The following IQCM variants were observed in gnomAD, a reference collection of about 807,000 sequenced individuals.
IQCM encodes IQ motif containing M.
A neutral mutation model predicts 57.6 loss-of-function variants in IQCM; 45 were observed. The ratio of observed to expected loss-of-function variants is 0.78; its 90% CI spans 0.62 to 1.00. IQCM has a LOEUF of 1.00. Ranked by LOEUF, IQCM falls within the 50% of genes least tolerant of loss-of-function variation. IQCM has a pLI of 0.00. For missense variants in IQCM, 468 were observed against 511.6 expected (o/e 0.91, Z 0.82); for synonymous variants, 148 against 158.9 (o/e 0.93, Z 0.51).
chr4:149,557,525 G>T (rs1475945395), intron 10 of IQCM, among the ~76,000 whole-genome samples: 8 of 152,126 alleles, frequency 5.3e-5, no homozygotes, highest in Non-Finnish European at 8.8e-5. Flanking sequence ...GCTTTTTAAG[G>T]CATCTCTCTG....
intron 8 of IQCM, among the ~76,000 whole-genome samples, chr4:149,591,806 T>C (rs1244160387): frequency 3.3e-5 from 5 of 152,192 alleles, no homozygotes; most frequent in African/African-American, 1.2e-4. Flanking sequence ...GTCTGCATAG[T>C]ATTCCATGGT....
intron 12 of IQCM, among the ~76,000 whole-genome samples, chr4:149,441,834 G>A (rs567397549): frequency 6.6e-6 from 1 of 152,256 alleles, no homozygotes; most frequent in South Asian, 2.1e-4. Flanking sequence ...CATTGTGGCA[G>A]TATTGACAGG....
At chr4:149,703,425 A>AT (rs1323627054) in intron 5 of IQCM, among the ~76,000 whole-genome samples, 2 of 151,956 alleles carry the variant, frequency 1.3e-5, no homozygotes, top group African/African-American at 4.8e-5. Context: ...GGAAGAATGG[A>AT]TAAAAAATAC....
intron 2 of IQCM, among the ~76,000 whole-genome samples, chr4:149,771,719 C>T (rs1414172527): frequency 6.6e-6 from 1 of 152,102 alleles, no homozygotes; most frequent in South Asian, 2.1e-4. Context: ...TTCTAACACT[C>T]CATGTGTCTT....
chr4:149,431,085 A>G (rs1734817149), intron 13 of IQCM, among the ~76,000 whole-genome samples: 2 of 151,826 alleles, frequency 1.3e-5, no homozygotes, highest in Admixed American at 6.6e-5. Flanking sequence ...GGCACCTGTA[A>G]TCCCAGCTTC....
intron 13 of IQCM, among the ~76,000 whole-genome samples, chr4:149,368,219 T>A (rs114789765): frequency 0.031 from 4,722 of 152,124 alleles, 99 homozygotes; most frequent in Middle Eastern, 0.065. Context: ...GAGTTTTTAT[T>A]AATTAAATAA....
At position 149,657,340 on chromosome 4, in the gene IQCM, C is replaced by T. The variant is rs12172973; in HGVS notation, c.565+24778G>A. On this transcript the variant is annotated intron_variant, in intron 7 of 13. Coordinates refer to ENST00000636793, the MANE Select transcript of IQCM (RefSeq NM_001363507.2). ...GTTTCATTCATATTGTCACAAATGACGGGATTCATTCTTTTTATAGCTGAA... is the reference window on the plus strand; with the variant it reads ...GTTTCATTCATATTGTCACAAATGATGGGATTCATTCTTTTTATAGCTGAA... Among the ~76,000 whole-genome samples the T allele has an allele frequency of 7.4e-4, 112 of 152,200 alleles. 1 individual carries two copies. The East Asian group carries it at 0.018, about 25-fold the overall frequency.
At chr4:149,431,400 C>T (rs1028068517) in intron 13 of IQCM, among the ~76,000 whole-genome samples, 11 of 151,868 alleles carry the variant, frequency 7.2e-5, no homozygotes, top group Non-Finnish European at 1.3e-4. Flanking sequence ...GTTTAATTCA[C>T]GTTTCCCTAT....
intron 13 of IQCM, among the ~76,000 whole-genome samples, chr4:149,414,887 G>A (rs1422182259): frequency 6.6e-6 from 1 of 151,810 alleles, no homozygotes; most frequent in Non-Finnish European, 1.5e-5. Flanking sequence ...AAAATATCAG[G>A]TATATTGAAG....
In IQCM at chr4:149,506,890, T is replaced by C. The variant is rs78080555; in HGVS notation, c.1228+41565A>G. ...GAAAGGTAAGAACAAGATAGAGCAA[T>C]AGTGAAAGAATAAATGATACTGCAT... On this transcript the variant is annotated intron_variant, in intron 12 of 13. Coordinates refer to ENST00000636793, the MANE Select transcript of IQCM (RefSeq NM_001363507.2). Among the ~76,000 whole-genome samples, 174 of 151,956 alleles carry C rather than the reference T, an allele frequency of 1.1e-3. 1 individual carries two copies. The highest frequency in any genetic ancestry group is 4.1e-3 in the African/African-American group (171 of 41,468).
At chr4:149,557,285 G>A (rs573290067) in intron 10 of IQCM, among the ~76,000 whole-genome samples, 1 of 152,134 alleles carries the variant, frequency 6.6e-6, no homozygotes, top group Admixed American at 6.5e-5. Context: ...TACCAGAATG[G>A]CCTCGTTTTA....
rs961779007 is a variant in IQCM at position 149,393,182 on chromosome 4, T to C, written c.1390+40214A>G. On this transcript the variant is annotated intron_variant, in intron 13 of 13. Coordinates refer to ENST00000636793, the MANE Select transcript of IQCM (RefSeq NM_001363507.2). ...AGTAAAACCCTGCCTCCAAAAAATA[T>C]ATACGCATATATAAATAAATAATAA... is the stretch of plus-strand genomic sequence containing the variant. Among the ~76,000 whole-genome samples the C allele has an allele frequency of 3.9e-5, 6 of 152,040 alleles. No homozygotes were observed. In the South Asian group the frequency reaches 6.2e-4, roughly 16 times the overall value.
intron 9 of IQCM, among the ~76,000 whole-genome samples, chr4:149,565,557 A>G (rs1296650224): frequency 2.6e-5 from 4 of 152,142 alleles, no homozygotes; most frequent in Non-Finnish European, 5.9e-5. Flanking sequence ...ACTAGTTTGA[A>G]TATCATTCAA....
chr4:149,611,008 T>G (rs1443439408), intron 8 of IQCM, among the ~76,000 whole-genome samples: 1 of 151,822 alleles, frequency 6.6e-6, no homozygotes, highest in African/African-American at 2.4e-5. Flanking sequence ...CTCAAACAAC[T>G]CAATAGGAAA....
intron 12 of IQCM, among the ~76,000 whole-genome samples, chr4:149,469,769 G>A (rs2149725485): frequency 6.6e-6 from 1 of 152,324 alleles, no homozygotes; most frequent in East Asian, 1.9e-4. Flanking sequence ...ACTAACAGCG[G>A]ATCTCTCGGC....
intron 12 of IQCM, among the ~76,000 whole-genome samples, chr4:149,518,519 A>C (rs1200299843): frequency 6.6e-6 from 1 of 152,046 alleles, no homozygotes; most frequent in Non-Finnish European, 1.5e-5. Context: ...TTTTTTTCCA[A>C]ATAAGGGGAT....
chr4:149,621,104 T>C (rs1756292366), intron 8 of IQCM, 25 bp downstream of exon 8: 1 of 1,085,588 alleles, frequency 9.2e-7, no homozygotes, highest in East Asian at 3.2e-5. Flanking sequence ...AATTCAAATC[T>C]ACATCCAGTT....
intron 7 of IQCM, among the ~76,000 whole-genome samples, chr4:149,632,704 G>A (rs891415877): frequency 3.3e-5 from 5 of 152,108 alleles, no homozygotes; most frequent in Admixed American, 6.6e-5. Context: ...CTCCTAGTCA[G>A]GGCTGGGAGG....
chr4:149,491,192 A>T lies in IQCM; in HGVS notation c.1228+57263T>A, dbSNP rs189175174. Reference sequence around the variant, plus strand: ...TTTTTAATTGACAAAAAAATTGTACATATTGTGTATGTGTTGTTTTGAAAT... The same window carrying T: ...TTTTTAATTGACAAAAAAATTGTACTTATTGTGTATGTGTTGTTTTGAAAT... On this transcript the variant is annotated intron_variant, in intron 12 of 13. Coordinates refer to ENST00000636793, the MANE Select transcript of IQCM (RefSeq NM_001363507.2). 4.5e-4 allele frequency among the ~76,000 whole-genome samples: 68 copies of T among 152,156 alleles called. 1 individual carries two copies. The East Asian group carries it at 0.013, about 29-fold the overall frequency.
Sources: allele counts gnomAD v4.1 joint callset (sites outside exome capture counted in the v4.1 genomes callset), GRCh38; gene constraint gnomAD v4.1.1; transcripts MANE v1.5; gene names NCBI Gene and HGNC (gene_info 2026-07-23, HGNC 2026-07-21).